MELK: variants seen among roughly 807,000 people sequenced by gnomAD.
The protein encoded by MELK is pEg3 kinase.
MELK carries 81 observed loss-of-function variants against 85.0 expected under a neutral mutation model. That is an observed-to-expected ratio of 0.95 (90% CI 0.80 to 1.15). MELK has a LOEUF of 1.15. Among genes scored for constraint, MELK ranks in the 50% most tolerant of loss-of-function variants. The pLI, the probability that MELK is intolerant of heterozygous loss-of-function variation, is 0.00. For missense variants in MELK, 754 were observed against 777.5 expected, an observed-to-expected ratio of 0.97 and a Z score of 0.36; for synonymous variants, 252 against 265.0, an observed-to-expected ratio of 0.95 and a Z score of 0.48.
intron 8 of MELK, 30 bp from the exon 9 acceptor site, chr9:36,630,269 C>G (rs202210851): frequency 7.7e-6 from 12 of 1,560,662 alleles, no homozygotes; most frequent in Non-Finnish European, 1.1e-5. Context: ...CTGATTGAAC[C>G]TGAATCTCTT....
At chr9:36,619,776 G>C (rs905328015) in intron 8 of MELK, among the ~76,000 whole-genome samples, 1 of 152,160 alleles carries the variant, frequency 6.6e-6, no homozygotes, top group Admixed American at 6.5e-5. Context: ...TCTGTCTAGA[G>C]CATCTGCAGC....
At chr9:36,577,060 C>T (rs962985400) in intron 1 of MELK, among the ~76,000 whole-genome samples, 2 of 152,186 alleles carry the variant, frequency 1.3e-5, no homozygotes, top group Non-Finnish European at 2.9e-5. Context: ...GCTCACCACA[C>T]TTCTGAGGTT....
intron 8 of MELK, 32 bp downstream of exon 8, chr9:36,607,705 A>G (rs1281781571): frequency 7.0e-7 from 1 of 1,426,154 alleles, no homozygotes; most frequent in Non-Finnish European, 9.9e-7. Flanking sequence ...ATTTCAATGT[A>G]GAACTTTTCT....
intron 10 of MELK, among the ~76,000 whole-genome samples, chr9:36,639,710 A>G (rs998694632): frequency 6.6e-6 from 1 of 152,170 alleles, no homozygotes; most frequent in African/African-American, 2.4e-5. Context: ...CTTTTCTACC[A>G]CACTCATTTC....
intron 9 of MELK, 59 bp downstream of exon 9, chr9:36,630,426 A>G: frequency 1.5e-6 from 2 of 1,343,386 alleles, no homozygotes; most frequent in South Asian, 1.2e-5. Flanking sequence ...AACTTTTAAG[A>G]TATCTGTGGT....
chr9:36,636,758 T>TTC, intron 10 of MELK, among the ~76,000 whole-genome samples: 1 of 111,706 alleles, frequency 9.0e-6, no homozygotes, highest in Admixed American at 1.0e-4. Context: ...CTTTCTTTCT[T>TTC]TCTTTCTTTC....
rs1488051528 is a variant in MELK at position 36,604,261 on chromosome 9, G to A, written c.568-3314G>A. ...TAGGATTATGGGTGTAAGCCACCGC[G>A]CCCGGGCTTTTTTTTTTTTTTTTTT... On this transcript the variant is annotated intron_variant, in intron 7 of 17. Coordinates refer to ENST00000298048, the MANE Select transcript of MELK (RefSeq NM_014791.4). Among the ~76,000 whole-genome samples, 11 of 130,902 alleles carry A rather than the reference G, an allele frequency of 8.4e-5. No homozygotes were observed. The East Asian group carries it at 2.3e-3, about 27-fold the overall frequency. The allele number at this position is 130,902 out of a possible 152,430, so 85.9% of individuals were successfully genotyped here.
chr9:36,657,187 A>C (rs1831337953), intron 12 of MELK, 54 bp from the exon 13 acceptor site: 1 of 1,550,240 alleles, frequency 6.5e-7, no homozygotes, highest in African/African-American at 1.4e-5. Context: ...CTGTATTTTA[A>C]ATATTGAATC....
At chr9:36,632,521 C>G (rs1828738960) in intron 9 of MELK, among the ~76,000 whole-genome samples, 1 of 152,016 alleles carries the variant, frequency 6.6e-6, no homozygotes, top group African/African-American at 2.4e-5. Context: ...TCAAAATTTA[C>G]CTCAGGCTCA....
intron 17 of MELK, among the ~76,000 whole-genome samples, chr9:36,676,456 A>T (rs975668136): frequency 3.3e-5 from 5 of 152,222 alleles, no homozygotes; most frequent in Non-Finnish European, 7.3e-5. Flanking sequence ...ACAGCTTTGC[A>T]GGATCATACG....
At chr9:36,598,724 A>C (rs1365471108) in intron 6 of MELK, among the ~76,000 whole-genome samples, 1 of 152,158 alleles carries the variant, frequency 6.6e-6, no homozygotes, top group African/African-American at 2.4e-5. Flanking sequence ...CCAGTAAATA[A>C]ATTTTTCCCC....
At chr9:36,675,022 A>C (rs1833224471) in intron 17 of MELK, 85 bp downstream of exon 17, 14 of 935,290 alleles carry the variant, frequency 1.5e-5, no homozygotes, top group Non-Finnish European at 2.2e-5. Context: ...GCGGTGGCTC[A>C]CGCCTGTAAT....
At chr9:36,615,146 C>A (rs867700190) in intron 8 of MELK, among the ~76,000 whole-genome samples, 2 of 130,500 alleles carry the variant, frequency 1.5e-5, no homozygotes, top group Non-Finnish European at 3.3e-5. Flanking sequence ...TAGGGGCGGC[C>A]GGGCAGAGGC....
At chr9:36,577,339 C>T (rs1266592562) in intron 1 of MELK, among the ~76,000 whole-genome samples, 7 of 152,096 alleles carry the variant, frequency 4.6e-5, no homozygotes, top group African/African-American at 1.7e-4. Context: ...ATGGCGAAAC[C>T]CCATCCCTAC....
chr9:36,630,091 C>T (rs562518395), intron 8 of MELK: 10 of 516,302 alleles, frequency 1.9e-5, no homozygotes, highest in East Asian at 1.6e-4. Context: ...GTGATCTGCC[C>T]GCTTTGACCT....
chr9:36,667,154 C>CT (rs150628173), intron 14 of MELK, among the ~76,000 whole-genome samples: 7,902 of 147,616 alleles, frequency 0.054, 635 homozygotes, highest in African/African-American at 0.18. Context: ...CCCTTTTTTT[C>CT]TTTTTTTTTT....
intron 11 of MELK, among the ~76,000 whole-genome samples, chr9:36,643,970 T>C (rs182592085): frequency 8.6e-5 from 13 of 151,044 alleles, no homozygotes; most frequent in Admixed American, 7.9e-4. Flanking sequence ...AACAAACTAG[T>C]GCACAAAGAA....
At chr9:36,596,990 C>A (rs1824357029) in intron 5 of MELK, among the ~76,000 whole-genome samples, 1 of 152,088 alleles carries the variant, frequency 6.6e-6, no homozygotes, top group Non-Finnish European at 1.5e-5. Flanking sequence ...CATTTTTACT[C>A]ATTTTAATTA....
intron 15 of MELK, 109 bp downstream of exon 15, chr9:36,669,515 G>T (rs1190975625): frequency 9.0e-6 from 7 of 781,036 alleles, no homozygotes; most frequent in Non-Finnish European, 1.4e-5. Context: ...GATTCTGTTG[G>T]AGAGTAGGAA....
Sources: allele counts gnomAD v4.1 joint callset (sites outside exome capture counted in the v4.1 genomes callset), GRCh38; gene constraint gnomAD v4.1.1; transcripts MANE v1.5; gene names NCBI Gene and HGNC (gene_info 2026-07-23, HGNC 2026-07-21).